The following LRRC4C variants were observed in gnomAD, a reference collection of about 807,000 sequenced individuals.
The protein encoded by LRRC4C is leucine rich repeat containing 4C, also known as leucine-rich repeat-containing protein 4C.
In LRRC4C, 5 loss-of-function variants were observed where a neutral mutation model predicts 33.6. The ratio of observed to expected loss-of-function variants is 0.15; its 90% CI spans 0.08 to 0.31. The LOEUF is 0.31. LRRC4C is among the 10% of genes least tolerant of loss of function. The pLI is 1.00. For missense variants in LRRC4C, 560 were observed against 796.7 expected, an observed-to-expected ratio of 0.70 and a Z score of 3.58; for synonymous variants, 329 against 302.0, an observed-to-expected ratio of 1.09 and a Z score of -0.93.
intron 1 of LRRC4C, among the ~76,000 whole-genome samples, chr11:41,314,787 T>G (rs950605269): frequency 6.6e-6 from 1 of 151,770 alleles, no homozygotes; most frequent in African/African-American, 2.4e-5. Context: ...CCCTAGAACT[T>G]AAAGTATAAT....
chr11:40,892,589 T>G (rs1006058156), intron 2 of LRRC4C, among the ~76,000 whole-genome samples: 8 of 152,160 alleles, frequency 5.3e-5, no homozygotes, highest in African/African-American at 1.9e-4. Context: ...AAGATACAAA[T>G]GGAATATTAT....
Position 40,919,936 on chromosome 11 carries a change from G to A in LRRC4C, c.-407+13699C>T, listed in dbSNP as rs1294856847. Among the ~76,000 whole-genome samples, 5 of 151,938 alleles carry A rather than the reference G, an allele frequency of 3.3e-5. No homozygotes were observed. In the South Asian group the frequency reaches 1.0e-3, roughly 32 times the overall value. ...TGATCAGTTTACTTAGAAAAACAGGGCCATATTACTAAAATATGTGTATAA... is the reference window on the plus strand; with the variant it reads ...TGATCAGTTTACTTAGAAAAACAGGACCATATTACTAAAATATGTGTATAA... On this transcript the variant is annotated intron_variant, in intron 2 of 6. Transcript: ENST00000528697.
At chr11:41,004,936 T>A (rs766140320) in intron 1 of LRRC4C, among the ~76,000 whole-genome samples, 1 of 152,050 alleles carries the variant, frequency 6.6e-6, no homozygotes, top group African/African-American at 2.4e-5. Context: ...CAGAAAAAAA[T>A]GCTGGGAAAA....
chr11:40,170,127 AAG>A (rs1298163778), intron 5 of LRRC4C, among the ~76,000 whole-genome samples: 1 of 152,230 alleles, frequency 6.6e-6, no homozygotes, highest in East Asian at 1.9e-4. Flanking sequence ...ATGTTACAAA[AAG>A]GGAGTGTGCA....
intron 3 of LRRC4C, among the ~76,000 whole-genome samples, chr11:40,444,737 C>T (rs1279709570): frequency 6.6e-6 from 1 of 152,162 alleles, no homozygotes; most frequent in African/African-American, 2.4e-5. Flanking sequence ...TTAAAAGCAA[C>T]AACACAAGAT....
intron 1 of LRRC4C, among the ~76,000 whole-genome samples, chr11:41,001,260 A>G (rs1244505326): frequency 6.6e-6 from 1 of 152,176 alleles, no homozygotes; most frequent in African/African-American, 2.4e-5. Context: ...TCCAGTGTCC[A>G]GTATCGGTTT....
chr11:40,694,477 A>AG (rs1427182387), intron 2 of LRRC4C, among the ~76,000 whole-genome samples: 1 of 152,164 alleles, frequency 6.6e-6, no homozygotes, highest in East Asian at 1.9e-4. Flanking sequence ...TATAATTCAG[A>AG]GAAACAGAAT....
intron 2 of LRRC4C, among the ~76,000 whole-genome samples, chr11:40,877,716 C>T (rs999438072): frequency 1.3e-5 from 2 of 152,158 alleles, no homozygotes; most frequent in Non-Finnish European, 2.9e-5. Flanking sequence ...ACACATTTGA[C>T]GAAGTGGTGG....
rs369280817 is a variant in LRRC4C, at chr11:40,131,898, T to A, written c.-43+8903A>T. Among the ~76,000 whole-genome samples the A allele has an allele frequency of 1.3e-3, 198 of 152,274 alleles. 2 individuals are homozygous for A. In the South Asian group the frequency reaches 0.016, roughly 12 times the overall value. On this transcript the variant is annotated intron_variant, in intron 6 of 6. Coordinates refer to ENST00000528697, the MANE Select transcript of LRRC4C (RefSeq NM_001258419.2). ...CTCTTAGTTTTATTTTTCATCAATA[T>A]CCGTATTTGATTATTATTTCCTTTT...
chr11:41,407,743 A>T (rs1954297058), intron 1 of LRRC4C, among the ~76,000 whole-genome samples: 1 of 152,192 alleles, frequency 6.6e-6, no homozygotes, highest in Non-Finnish European at 1.5e-5. Flanking sequence ...GAGAATCTAT[A>T]GTGTCTTGGT....
intron 1 of LRRC4C, among the ~76,000 whole-genome samples, chr11:41,328,802 C>T (rs1951203939): frequency 6.6e-6 from 1 of 152,226 alleles, no homozygotes; most frequent in Non-Finnish European, 1.5e-5. Context: ...ACCTCTCAGA[C>T]TCAAGCCAGG....
At chr11:41,235,737 T>C (rs1947992998) in intron 1 of LRRC4C, among the ~76,000 whole-genome samples, 1 of 152,148 alleles carries the variant, frequency 6.6e-6, no homozygotes, top group African/African-American at 2.4e-5. Flanking sequence ...ATAACTGATG[T>C]CATCTGTACT....
chr11:40,490,988 T>TA (rs1382629652), intron 3 of LRRC4C, among the ~76,000 whole-genome samples: 1 of 152,028 alleles, frequency 6.6e-6, no homozygotes, highest in Non-Finnish European at 1.5e-5. Flanking sequence ...TTTTCTGTTA[T>TA]AAAAATGTGT....
intron 5 of LRRC4C, among the ~76,000 whole-genome samples, chr11:40,170,463 A>T (rs1859951104): frequency 6.6e-6 from 1 of 152,192 alleles, no homozygotes; most frequent in South Asian, 2.1e-4. Context: ...CAGTGAATGA[A>T]GGGGCATGTG....
chr11:41,198,600 A>T (rs553991905), intron 1 of LRRC4C, among the ~76,000 whole-genome samples: 175 of 143,858 alleles, frequency 1.2e-3, no homozygotes, highest in Non-Finnish European at 1.2e-3. Flanking sequence ...CCTTCTGACA[A>T]GAACAAGAAA....
intron 2 of LRRC4C, among the ~76,000 whole-genome samples, chr11:40,662,838 G>A (rs1943515693): frequency 6.6e-6 from 1 of 152,180 alleles, no homozygotes; most frequent in South Asian, 2.1e-4. Context: ...GTATTTGTGT[G>A]AAGATTTAGT....
chr11:40,973,253 G>T (rs1470594953), intron 1 of LRRC4C, among the ~76,000 whole-genome samples: 1 of 151,962 alleles, frequency 6.6e-6, no homozygotes, highest in Non-Finnish European at 1.5e-5. Flanking sequence ...CTCCACTGAA[G>T]ATTTGTGGTT....
intron 2 of LRRC4C, among the ~76,000 whole-genome samples, chr11:40,703,203 A>T (rs141806727): frequency 1.4e-4 from 21 of 152,176 alleles, no homozygotes; most frequent in African/African-American, 5.1e-4. Context: ...CAAATATCCT[A>T]CAATGCCCAA....
chr11:41,107,458 C>T (rs1308482759), intron 1 of LRRC4C, among the ~76,000 whole-genome samples: 2 of 152,056 alleles, frequency 1.3e-5, no homozygotes, highest in Non-Finnish European at 2.9e-5. Context: ...AAATATCTCT[C>T]ATTTATGGCC....
Sources: gnomAD v4.1 joint callset for allele counts (sites outside exome capture counted in the v4.1 genomes callset) on GRCh38, gnomAD v4.1.1 for gene constraint, MANE v1.5 for transcripts, NCBI Gene and HGNC (gene_info 2026-07-23, HGNC 2026-07-21) for gene names.